Variants in ARHGAP6 observed in about 807,000 individuals in gnomAD.
The protein encoded by ARHGAP6 is rho GTPase-activating protein 6.
Under a neutral mutation model 55.7 loss-of-function variants are expected in ARHGAP6, and 16 were observed. The ratio of observed to expected loss-of-function variants is 0.29; its 90% confidence interval spans 0.19 to 0.44. ARHGAP6 has a LOEUF of 0.44. Ranked by LOEUF, ARHGAP6 falls within the 20% of genes least tolerant of loss-of-function variation. The pLI is 1.00. For missense variants in ARHGAP6, 698 were observed against 808.9 expected (o/e 0.86, Z 1.66); for synonymous variants, 382 against 360.9 (o/e 1.06, Z -0.66).
chrX:11,415,360 T>C (rs1475634169), intron 1 of ARHGAP6, among the ~76,000 whole-genome samples: 2 of 112,000 alleles, frequency 1.8e-5, no homozygotes, highest in Admixed American at 9.4e-5. Flanking sequence ...GGAACTGATA[T>C]CAGTGAGAGA....
intron 1 of ARHGAP6, among the ~76,000 whole-genome samples, chrX:11,634,075 T>A (rs2052390221): frequency 9.5e-6 from 1 of 105,197 alleles, no homozygotes; most frequent in South Asian, 4.0e-4. Context: ...TGTGCTTGGC[T>A]ATTTTTTTTT....
At chrX:11,508,168 A>G (rs983349118) in intron 1 of ARHGAP6, among the ~76,000 whole-genome samples, 3 of 111,127 alleles carry the variant, frequency 2.7e-5, no homozygotes, top group Non-Finnish European at 5.7e-5. Flanking sequence ...ATAAAAAATG[A>G]GTATTTTTTT....
chrX:11,496,281 A>T (rs748049347), intron 1 of ARHGAP6, among the ~76,000 whole-genome samples: 2 of 112,614 alleles, frequency 1.8e-5, no homozygotes, highest in Non-Finnish European at 3.8e-5. Context: ...ACTTTCAATC[A>T]TGTACTCTGT....
intron 1 of ARHGAP6, among the ~76,000 whole-genome samples, chrX:11,604,847 C>T (rs968549999): frequency 2.7e-5 from 3 of 112,116 alleles, no homozygotes; most frequent in Non-Finnish European, 3.8e-5. Context: ...GGCAAGGAGG[C>T]TTGACCTTCA....
intron 1 of ARHGAP6, among the ~76,000 whole-genome samples, chrX:11,286,776 C>G (rs2047926857): frequency 1.8e-5 from 2 of 112,200 alleles, no homozygotes; most frequent in African/African-American, 6.5e-5. Context: ...CTAACACCGA[C>G]AAACCTTTTT....
intron 1 of ARHGAP6, among the ~76,000 whole-genome samples, chrX:11,321,276 T>G (rs1675841656): frequency 8.9e-6 from 1 of 112,213 alleles, no homozygotes; most frequent in Admixed American, 9.5e-5. Context: ...CTAAGTGTTT[T>G]CTAATGTAAC....
At chrX:11,313,616 A>AT (rs1569297091) in intron 1 of ARHGAP6, among the ~76,000 whole-genome samples, 1 of 111,449 alleles carries the variant, frequency 9.0e-6, no homozygotes, top group African/African-American at 3.3e-5. Context: ...CACACTGTTG[A>AT]TTTTCTTCTT....
chrX:11,141,699 A>G (rs2045620818), intron 12 of ARHGAP6, among the ~76,000 whole-genome samples: 1 of 112,712 alleles, frequency 8.9e-6, no homozygotes, highest in South Asian at 3.7e-4. Context: ...GGTCCCATAC[A>G]GCACAGGAGG....
At chrX:11,545,384 G>A (rs1298072764) in intron 1 of ARHGAP6, among the ~76,000 whole-genome samples, 1 of 111,906 alleles carries the variant, frequency 8.9e-6, no homozygotes, top group East Asian at 2.8e-4. Flanking sequence ...AAACATTCAG[G>A]TAGCTGTCTA....
chrX:11,281,817 T>C (rs183923604), intron 1 of ARHGAP6, among the ~76,000 whole-genome samples: 133 of 111,874 alleles, frequency 1.2e-3, no homozygotes, highest in African/African-American at 4.2e-3. Context: ...ATGTTTGTAC[T>C]GAGGGGAAAA....
rs2047359871 is a variant in ARHGAP6, at chrX:11,246,801, A to G, written c.748+7747T>C. Among the ~76,000 whole-genome samples, 5 of 111,968 alleles carry G rather than the reference A, an allele frequency of 4.5e-5. No individual in the cohort carries two copies. In the South Asian group the frequency reaches 1.9e-3, roughly 42 times the overall value. On this transcript the variant is annotated intron_variant, in intron 2 of 12. Coordinates refer to ENST00000337414, the MANE Select transcript of ARHGAP6 (RefSeq NM_013427.3). The stretch of plus-strand genomic sequence containing the variant: ...CCATTGGCATTTCTACCTACAGTGG[A>G]TTTTGTGGATTCTGCACCAGGTTTC...
intron 1 of ARHGAP6, among the ~76,000 whole-genome samples, chrX:11,299,704 G>T (rs1417330902): frequency 8.9e-6 from 1 of 111,736 alleles, no homozygotes; most frequent in African/African-American, 3.3e-5. Flanking sequence ...ATCCTATCAT[G>T]TATATGTATC....
chrX:11,380,981 G>A (rs890318988), intron 1 of ARHGAP6, among the ~76,000 whole-genome samples: 4 of 112,731 alleles, frequency 3.5e-5, no homozygotes, highest in Middle Eastern at 4.6e-3. Context: ...ATTTGACTAC[G>A]CATGTGGTTC....
chrX:11,181,929 A>G, intron 6 of ARHGAP6, 134 bp downstream of exon 6: 1 of 482,145 alleles, frequency 2.1e-6, no homozygotes, highest in Non-Finnish European at 3.4e-6. Context: ...GAATTCAATT[A>G]TATTATAATA....
intron 1 of ARHGAP6, among the ~76,000 whole-genome samples, chrX:11,452,225 G>T: frequency 8.9e-6 from 1 of 112,156 alleles, no homozygotes; most frequent in East Asian, 2.8e-4. Context: ...TCGGCTTACT[G>T]CAAGCTCCGC....
chrX:11,220,314 C>T (rs2046949944), intron 2 of ARHGAP6, among the ~76,000 whole-genome samples: 1 of 110,800 alleles, frequency 9.0e-6, no homozygotes, highest in Non-Finnish European at 1.9e-5. Flanking sequence ...AAGAGCAACT[C>T]CAAGACACAT....
intron 1 of ARHGAP6, among the ~76,000 whole-genome samples, chrX:11,502,132 C>A (rs180756017): frequency 2.2e-4 from 25 of 112,586 alleles, no homozygotes; most frequent in African/African-American, 8.1e-4. Flanking sequence ...ATGGAATAAA[C>A]TGTTGTATAT....
intron 10 of ARHGAP6, among the ~76,000 whole-genome samples, chrX:11,152,458 C>A (rs1053628878): frequency 8.9e-6 from 1 of 111,865 alleles, no homozygotes; most frequent in African/African-American, 3.2e-5. Flanking sequence ...CCTCAGCCTG[C>A]CATTTAAGGG....
At chrX:11,551,268 T>C (rs1209635897) in intron 1 of ARHGAP6, among the ~76,000 whole-genome samples, 4 of 111,653 alleles carry the variant, frequency 3.6e-5, no homozygotes, top group African/African-American at 1.3e-4. Flanking sequence ...TTGTTAATCA[T>C]CAAAATTTCT....
Sources: allele counts gnomAD v4.1 joint callset (sites outside exome capture counted in the v4.1 genomes callset), GRCh38; gene constraint gnomAD v4.1.1; transcripts MANE v1.5; gene names NCBI Gene and HGNC (gene_info 2026-07-23, HGNC 2026-07-21).